SPART: variants seen among roughly 807,000 people sequenced by gnomAD.
SPART encodes spastic paraplegia 20 (Troyer syndrome).
Under a neutral mutation model 58.7 loss-of-function variants are expected in SPART, and 35 were observed. That is an observed-to-expected ratio of 0.60 (90% confidence interval 0.46 to 0.79). The LOEUF is 0.79. Ranked by LOEUF, SPART falls within the 30% of genes least tolerant of loss-of-function variation. The probability of loss-of-function intolerance (pLI) is 0.00; values close to 1 mark genes in which losing one functional copy is unlikely to be tolerated. For missense variants in SPART, 730 were observed against 786.1 expected (o/e 0.93, Z 0.85); for synonymous variants, 284 against 280.7 (o/e 1.01, Z -0.12).
At chr13:36,364,216 C>T (rs1479921484) in intron 1 of SPART, among the ~76,000 whole-genome samples, 1 of 152,178 alleles carries the variant, frequency 6.6e-6, no homozygotes, top group East Asian at 1.9e-4. Context: ...CAATGTATAA[C>T]GTTAACCTCT....
chr13:36,333,815 C>T (rs184377832), intron 2 of SPART, among the ~76,000 whole-genome samples: 15 of 152,164 alleles, frequency 9.9e-5, no homozygotes, highest in Non-Finnish European at 1.0e-4. Context: ...CACTACAAAC[C>T]CCAATCAATA....
chr13:36,339,231 C>T (rs909765508), intron 1 of SPART, among the ~76,000 whole-genome samples: 3 of 151,514 alleles, frequency 2.0e-5, no homozygotes, highest in South Asian at 2.1e-4. Context: ...ATATTTAAAA[C>T]GCAGGAAGGA....
chr13:36,326,474 C>T (rs1295687946), intron 5 of SPART, 101 bp downstream of exon 5: 1 of 1,471,012 alleles, frequency 6.8e-7, no homozygotes, highest in Non-Finnish European at 9.3e-7. Context: ...AACCAAAATA[C>T]AAAATATTAT....
chr13:36,325,107 T>C (rs903428018), intron 5 of SPART, among the ~76,000 whole-genome samples: 1 of 152,192 alleles, frequency 6.6e-6, no homozygotes, highest in Admixed American at 6.5e-5. Flanking sequence ...TGTGATGGCT[T>C]GGCTTGGGCT....
chr13:36,339,505 A>G (rs1482678663), intron 1 of SPART, among the ~76,000 whole-genome samples: 5 of 151,392 alleles, frequency 3.3e-5, no homozygotes, highest in African/African-American at 1.2e-4. Flanking sequence ...CATGGCATGC[A>G]CCTGTACCCC....
At chr13:36,333,720 C>T (rs1383407778) in intron 2 of SPART, among the ~76,000 whole-genome samples, 1 of 152,088 alleles carries the variant, frequency 6.6e-6, no homozygotes, top group Non-Finnish European at 1.5e-5. Flanking sequence ...ACCCCATCTC[C>T]AGTTGCTAAG....
At chr13:36,339,646 A>AAC (rs1245589973) in intron 1 of SPART, among the ~76,000 whole-genome samples, 1 of 150,250 alleles carries the variant, frequency 6.7e-6, no homozygotes, top group African/African-American at 2.4e-5. Flanking sequence ...AAAAAAAAAA[A>AAC]AAAAAACCAA....
intron 1 of SPART, among the ~76,000 whole-genome samples, chr13:36,355,849 C>A (rs9575979): frequency 0.26 from 38,672 of 148,346 alleles, 5,232 homozygotes; most frequent in East Asian, 0.51. Context: ...GCAAAAAAAA[C>A]CCCACAATTA....
intron 5 of SPART, 58 bp from the exon 6 acceptor site, chr13:36,314,479 C>CTTTAATAAATA (rs1217372831): frequency 3.3e-6 from 5 of 1,494,146 alleles, no homozygotes; most frequent in Non-Finnish European, 4.7e-6. Context: ...CTTTTGAACA[C>CTTTAATAAATA]TTTAATAAAT....
chr13:36,318,049 A>C (rs1209021223), intron 5 of SPART, among the ~76,000 whole-genome samples: 2 of 152,034 alleles, frequency 1.3e-5, no homozygotes, highest in South Asian at 4.1e-4. Flanking sequence ...CAGTCCCAAC[A>C]CCAAGCGTCG....
chr13:36,357,514 G>A (rs574306453), intron 1 of SPART, among the ~76,000 whole-genome samples: 2 of 152,314 alleles, frequency 1.3e-5, no homozygotes, highest in South Asian at 4.1e-4. Context: ...TGTGCAGCCT[G>A]CAGCAAGTCA....
chr13:36,321,433 C>A (rs1004599080), intron 5 of SPART, among the ~76,000 whole-genome samples: 2 of 152,160 alleles, frequency 1.3e-5, no homozygotes, highest in Non-Finnish European at 2.9e-5. Context: ...CCTTTTATAC[C>A]TGTTTTTCTC....
intron 8 of SPART, among the ~76,000 whole-genome samples, chr13:36,310,868 C>T (rs1285792885): frequency 6.6e-6 from 1 of 152,138 alleles, no homozygotes; most frequent in Non-Finnish European, 1.5e-5. Flanking sequence ...CACCCACCCT[C>T]GCCCCACCCA....
intron 1 of SPART, among the ~76,000 whole-genome samples, chr13:36,360,361 G>C (rs1189422575): frequency 6.6e-6 from 1 of 152,046 alleles, no homozygotes; most frequent in African/African-American, 2.4e-5. Flanking sequence ...GAATGTTAGA[G>C]CTACCCTAGT....
chr13:36,356,582 C>T (rs937515229), intron 1 of SPART, among the ~76,000 whole-genome samples: 9 of 152,314 alleles, frequency 5.9e-5, no homozygotes, highest in African/African-American at 2.2e-4. Flanking sequence ...TTACCAGTAG[C>T]CTGGAAGCCC....
At chr13:36,306,985 C>T (rs976723793) in intron 8 of SPART, among the ~76,000 whole-genome samples, 1 of 152,036 alleles carries the variant, frequency 6.6e-6, no homozygotes, top group Non-Finnish European at 1.5e-5. Flanking sequence ...TTAATATATC[C>T]TCAACTATCA....
chr13:36,358,385 G>A (rs1885705438), intron 1 of SPART, among the ~76,000 whole-genome samples: 1 of 152,108 alleles, frequency 6.6e-6, no homozygotes, highest in South Asian at 2.1e-4. Context: ...CAGCTGCAAA[G>A]ACTTGTTGCT....
Position 36,303,010 on chromosome 13 carries a change from G to A in SPART, c.*1355C>T, listed in dbSNP as rs1003619004. 9 of 152,082 alleles carry A rather than the reference G, an allele frequency of 5.9e-5. No homozygotes were observed. The highest frequency in any genetic ancestry group is 2.2e-4 in the African/African-American group (9 of 41,392). The allele number at this position is 152,082 out of a possible 1,614,324, so 9.4% of individuals were successfully genotyped here. ...CATTCCATTTCTTAAACAAAGCATA[G>A]ACTGTCTGTAAGCTATTTACCACTT... On this transcript the variant is annotated 3_prime_UTR_variant, in exon 9 of 9. Coordinates refer to ENST00000438666, the MANE Select transcript of SPART (RefSeq NM_015087.5).
At chr13:36,352,292 A>G (rs543395267) in intron 1 of SPART, among the ~76,000 whole-genome samples, 16 of 152,242 alleles carry the variant, frequency 1.1e-4, no homozygotes, top group Non-Finnish European at 2.2e-4. Flanking sequence ...TTACTGATTA[A>G]AAATGGAAAA....
Sources: allele counts gnomAD v4.1 joint callset (sites outside exome capture counted in the v4.1 genomes callset), GRCh38; gene constraint gnomAD v4.1.1; transcripts MANE v1.5; gene names NCBI Gene and HGNC (gene_info 2026-07-23, HGNC 2026-07-21).